The following UGGT2 variants were observed in gnomAD, a reference collection of about 807,000 sequenced individuals.
UGGT2 encodes UDP-glucose glycoprotein glucosyltransferase 2.
A neutral mutation model predicts 192.1 loss-of-function variants in UGGT2; 180 were observed. The ratio of observed to expected loss-of-function variants is 0.94; its 90% CI spans 0.83 to 1.06. UGGT2 has a LOEUF of 1.06. Ranked by LOEUF, UGGT2 falls within the 50% of genes least tolerant of loss-of-function variation. The probability of loss-of-function intolerance (pLI) is 0.00; values close to 1 mark genes in which losing one functional copy is unlikely to be tolerated. For synonymous variants in UGGT2, 580 were observed against 591.0 expected (o/e 0.98, Z 0.27); for missense variants, 1,849 against 1,795.7 (o/e 1.03, Z -0.54).
chr13:95,831,934 T>G (rs1319984226), intron 38 of UGGT2, among the ~76,000 whole-genome samples: 3 of 151,994 alleles, frequency 2.0e-5, no homozygotes, highest in Admixed American at 2.0e-4. Flanking sequence ...ACAGAATATT[T>G]TCTTATGAAT....
chr13:95,888,218 C>A (rs1472402598), intron 25 of UGGT2, among the ~76,000 whole-genome samples: 1 of 152,144 alleles, frequency 6.6e-6, no homozygotes, highest in Non-Finnish European at 1.5e-5. Context: ...GGTTATGCTG[C>A]TTGCCCTTTG....
chr13:95,999,183 T>A, intron 6 of UGGT2, 28 bp downstream of exon 6: 1 of 1,584,254 alleles, frequency 6.3e-7, no homozygotes. Context: ...CTTTTCATTC[T>A]ACTCAAGTAC....
At chr13:95,845,033 T>A (rs1015758786) in intron 36 of UGGT2, among the ~76,000 whole-genome samples, 1 of 152,176 alleles carries the variant, frequency 6.6e-6, no homozygotes, top group Non-Finnish European at 1.5e-5. Context: ...CTCTTTTGCA[T>A]ATAATTAGCT....
At chr13:95,861,563 C>G (rs1379156560) in intron 31 of UGGT2, among the ~76,000 whole-genome samples, 1 of 151,860 alleles carries the variant, frequency 6.6e-6, no homozygotes, top group Non-Finnish European at 1.5e-5. Flanking sequence ...TTGTATAGGC[C>G]CATTTCATAT....
chr13:95,917,900 G>T (rs1566692203), intron 20 of UGGT2, among the ~76,000 whole-genome samples: 1 of 152,104 alleles, frequency 6.6e-6, no homozygotes, highest in African/African-American at 2.4e-5. Flanking sequence ...ATTCTTAAGA[G>T]ACCTACAAAG....
rs1487105795 is a variant in UGGT2 at position 95,927,138 on chromosome 13, CA to C, written c.2102-13del. 4.4e-6 allele frequency: 7 copies of C among 1,605,678 alleles called. No individual in the cohort carries two copies. In the African/African-American group the frequency reaches 9.4e-5, roughly 22 times the overall value. On this transcript the variant is annotated splice_polypyrimidine_tract_variant and intron_variant, in intron 18 of 38. Transcript: ENST00000376747. ...AACATCAGCAGTTACTGAAAAATTTCAAATTAAACGTTAAATATAAATAAAG... is the reference window on the plus strand; with the variant it reads ...AACATCAGCAGTTACTGAAAAATTTCAATTAAACGTTAAATATAAATAAAG...
In UGGT2 at chr13:96,044,393, C is replaced by T. The variant is rs578135993; in HGVS notation, c.158+8762G>A. On this transcript the variant is annotated intron_variant, in intron 1 of 38. Coordinates refer to ENST00000376747, the MANE Select transcript of UGGT2 (RefSeq NM_020121.4). ...GAGGAAAGTTCATAGCCCTAAATGCCTACATCAGAAAGTCTGAAGGTGCAC... is the reference window on the plus strand; with the variant it reads ...GAGGAAAGTTCATAGCCCTAAATGCTTACATCAGAAAGTCTGAAGGTGCAC... 1.4e-4 allele frequency among the ~76,000 whole-genome samples: 22 copies of T among 152,240 alleles called. No homozygotes were observed. In the East Asian group the frequency reaches 4.3e-3, roughly 29 times the overall value.
chr13:95,951,674 C>G (rs1423982135), intron 12 of UGGT2, among the ~76,000 whole-genome samples: 1 of 152,156 alleles, frequency 6.6e-6, no homozygotes, highest in South Asian at 2.1e-4. Context: ...ATTAAGTGTT[C>G]AACAACTTGC....
At chr13:96,003,473 T>C (rs1797954004) in intron 5 of UGGT2, among the ~76,000 whole-genome samples, 1 of 152,130 alleles carries the variant, frequency 6.6e-6, no homozygotes, top group Non-Finnish European at 1.5e-5. Flanking sequence ...CACCAGGAAA[T>C]TGAGTCTATT....
intron 1 of UGGT2, among the ~76,000 whole-genome samples, chr13:96,037,190 C>A (rs527372087): frequency 1.3e-4 from 19 of 151,948 alleles, no homozygotes; most frequent in South Asian, 8.3e-4. Context: ...CTGTAAAATG[C>A]TAGCCTCTTC....
At chr13:95,968,346 G>A (rs1353905678) in intron 12 of UGGT2, among the ~76,000 whole-genome samples, 1 of 152,136 alleles carries the variant, frequency 6.6e-6, no homozygotes, top group African/African-American at 2.4e-5. Context: ...AACTATAACT[G>A]TGCTAAGTAT....
chr13:95,812,879 AG>A (rs1566534585), intron 38 of UGGT2, among the ~76,000 whole-genome samples: 1 of 152,112 alleles, frequency 6.6e-6, no homozygotes, highest in Non-Finnish European at 1.5e-5. Context: ...AATGTTCTAA[AG>A]CTGATTGCCG....
chr13:96,013,633 G>C (rs776065835), intron 4 of UGGT2, 152 bp from the exon 5 acceptor site: 155 of 505,706 alleles, frequency 3.1e-4, no homozygotes, highest in Non-Finnish European at 4.5e-4. Flanking sequence ...CACATAACTT[G>C]AACTAAATGA....
chr13:95,934,478 G>C (rs577336050), intron 17 of UGGT2, among the ~76,000 whole-genome samples: 1 of 152,162 alleles, frequency 6.6e-6, no homozygotes. Context: ...AAATGGCAAG[G>C]AGCCAGCTAA....
At chr13:96,029,879 G>C (rs1212266770) in intron 2 of UGGT2, among the ~76,000 whole-genome samples, 8 of 152,068 alleles carry the variant, frequency 5.3e-5, no homozygotes, top group Non-Finnish European at 1.2e-4. Context: ...AACATATATG[G>C]GACAGATATA....
chr13:95,975,288 G>A (rs1172180062), intron 10 of UGGT2, among the ~76,000 whole-genome samples: 1 of 152,072 alleles, frequency 6.6e-6, no homozygotes, highest in Non-Finnish European at 1.5e-5. Flanking sequence ...TTTAAATCCA[G>A]GACCCACATC....
intron 5 of UGGT2, among the ~76,000 whole-genome samples, chr13:96,011,065 A>T (rs939844969): frequency 2.0e-5 from 3 of 152,214 alleles, no homozygotes; most frequent in Non-Finnish European, 4.4e-5. Flanking sequence ...TATGTAGAAA[A>T]ATAAATCTCA....
intron 28 of UGGT2, 140 bp from the exon 29 acceptor site, chr13:95,877,504 A>AT: frequency 2.1e-6 from 2 of 968,396 alleles, no homozygotes; most frequent in Non-Finnish European, 3.0e-6. Context: ...AAGTAAAGAG[A>AT]TTTTACAATA....
At position 95,895,281 on chromosome 13, in the gene UGGT2, ATCT is replaced by A; in HGVS notation, c.2655_2657del (p.Glu885del). The A allele has an allele frequency of 6.6e-7, 1 of 1,506,008 alleles. No individual in the cohort carries two copies. The highest frequency in any genetic ancestry group is 9.0e-7 in the Non-Finnish European group (1 of 1,105,152). The allele number at this position is 1,506,008 out of a possible 1,614,324, so 93.3% of individuals were successfully genotyped here. ...ACAAGTAAAAATCTTCTGCATAAAA[ATCT>A]TCATCTAAAGGTCCTAAGAACTTAA... is the stretch of plus-strand genomic sequence containing the variant. On this transcript the variant is annotated inframe_deletion, in exon 23 of 39. Coordinates refer to ENST00000376747, the MANE Select transcript of UGGT2 (RefSeq NM_020121.4).
Sources: gnomAD v4.1 joint callset for allele counts (sites outside exome capture counted in the v4.1 genomes callset) on GRCh38, gnomAD v4.1.1 for gene constraint, MANE v1.5 for transcripts, NCBI Gene and HGNC (gene_info 2026-07-23, HGNC 2026-07-21) for gene names.